The following CR1 variants were observed in gnomAD, a reference collection of about 807,000 sequenced individuals.
CR1 encodes the protein complement C3b/C4b receptor 1 (Knops blood group).
A neutral mutation model predicts 187.3 loss-of-function variants in CR1; 116 were observed. The ratio of observed to expected loss-of-function variants is 0.62; its 90% CI spans 0.53 to 0.72. The LOEUF (loss-of-function observed/expected upper bound fraction) is 0.72, where lower values mean the gene tolerates loss of function less well. CR1 is among the 30% of genes least tolerant of loss of function. The pLI is 0.00. For synonymous variants in CR1, 576 were observed against 747.1 expected (o/e 0.77, Z 3.73); for missense variants, 1,731 against 2,110.7 (o/e 0.82, Z 3.52).
rs1662028992 is a variant in CR1 at position 207,614,324 on chromosome 1, A to G, written c.6576-80A>G. ...GTCGAGGAGGAAATGGTAGTGAGGA[A>G]GCTGAGCATCTATTAGCGAAGAAAT... On this transcript the variant is annotated intron_variant, in intron 39 of 46. Transcript: ENST00000367049. The G allele has an allele frequency of 4.6e-6, 5 of 1,084,110 alleles. No individual in the cohort carries two copies. The Admixed American group carries it at 9.2e-5, about 20-fold the overall frequency. 67.2% of individuals were successfully genotyped at this position (1,084,110 alleles called of 1,614,324 possible).
chr1:207,604,269 T>C (rs1661686011), intron 35 of CR1, among the ~76,000 whole-genome samples: 1 of 152,214 alleles, frequency 6.6e-6, no homozygotes, highest in Non-Finnish European at 1.5e-5. Flanking sequence ...AATTGATGTA[T>C]AAGAGTTGTT....
chr1:207,513,874 G>T (rs912884285), intron 4 of CR1, among the ~76,000 whole-genome samples: 10 of 151,280 alleles, frequency 6.6e-5, no homozygotes, highest in African/African-American at 2.4e-4. Flanking sequence ...ATTGAACATT[G>T]GTAGCAATAG....
At chr1:207,520,019 C>A (rs543092719) in intron 4 of CR1, among the ~76,000 whole-genome samples, 19 of 152,256 alleles carry the variant, frequency 1.2e-4, no homozygotes, top group African/African-American at 4.6e-4. Context: ...CTTGATTTAA[C>A]GATTTACATA....
At chr1:207,580,486 CTTTT>C in intron 30 of CR1, 21 bp from the exon 31 acceptor site, 2 of 1,378,332 alleles carry the variant, frequency 1.5e-6, no homozygotes. Flanking sequence ...CCTATTTTTT[CTTTT>C]TTTTTTTTTT....
Position 207,578,218 on chromosome 1 carries a change from T to A in CR1, c.4936+15T>A, listed in dbSNP as rs373835373. The A allele has an allele frequency of 4.3e-6, 7 of 1,611,628 alleles. No individual in the cohort carries two copies. On this transcript the variant is annotated intron_variant, in intron 29 of 46. Transcript: ENST00000367049. Reference sequence around the variant, plus strand: ...CTGCTCCAGGGGTGAGTCTGACTGATGCCTAGAAGGGCCCTGCCAGTGACA... The same window carrying A: ...CTGCTCCAGGGGTGAGTCTGACTGAAGCCTAGAAGGGCCCTGCCAGTGACA...
At position 207,623,107 on chromosome 1, in the gene CR1, A is replaced by G. The variant is rs757983756; in HGVS notation, c.7352+39A>G. On this transcript the variant is annotated intron_variant, in intron 45 of 46. Transcript: ENST00000367049. ...TATTATCCCAAGAAATGTAAACTGTACTTACCCCCTCTTGGAAGTCAAAAG... is the reference window on the plus strand; with the variant it reads ...TATTATCCCAAGAAATGTAAACTGTGCTTACCCCCTCTTGGAAGTCAAAAG... 5 of 1,376,780 alleles carry G rather than the reference A, an allele frequency of 3.6e-6. No homozygotes were observed. The South Asian group carries it at 6.4e-5, about 18-fold the overall frequency. 85.3% of individuals were successfully genotyped at this position (1,376,780 alleles called of 1,614,324 possible). A position where few individuals can be genotyped will look rare whatever the true frequency, so the allele number is the denominator to read the frequency against.
chr1:207,508,570 T>A (rs1286034812), intron 3 of CR1, among the ~76,000 whole-genome samples: 2 of 152,194 alleles, frequency 1.3e-5, no homozygotes, highest in Non-Finnish European at 2.9e-5. Context: ...TTGAACAAAA[T>A]CTGTGGATTA....
rs996422974 is a variant in CR1, at chr1:207,622,073, A to C, written c.7276+77A>C. 2.5e-6 allele frequency: 3 copies of C among 1,179,204 alleles called. No individual in the cohort carries two copies. The African/African-American group carries it at 4.6e-5, about 18-fold the overall frequency. The allele number at this position is 1,179,204 out of a possible 1,614,324, so 73.0% of individuals were successfully genotyped here. On this transcript the variant is annotated intron_variant, in intron 44 of 46. Transcript: ENST00000367049. The stretch of plus-strand genomic sequence containing the variant: ...TACCTACCTATAATGAATGAAATGT[A>C]AAAAGAGAGATCAAAATGTCTTGAG...
Position 207,523,789 on chromosome 1 carries a change from G to A in CR1, c.666G>A (p.Val222=). Residue 222 remains valine, a synonymous_variant, in exon 5 of 47, where the codon GTG becomes GTA. Coordinates refer to ENST00000367049, the MANE Select transcript of CR1 (RefSeq NM_000651.6). ...SIYCTSNDDQ[V]GIWSGPAPQC... ...ACTGCACCAGCAATGACGATCAAGT[G>A]GGCATCTGGAGCGGCCCCGCCCCTC... 6.2e-7 allele frequency: 1 copy of A among 1,611,892 alleles called. No homozygotes were observed. The highest frequency in any genetic ancestry group is 1.1e-5 in the South Asian group (1 of 90,984).
chr1:207,625,365 C>G (rs1202696947), intron 45 of CR1, among the ~76,000 whole-genome samples: 1 of 152,172 alleles, frequency 6.6e-6, no homozygotes, highest in Non-Finnish European at 1.5e-5. Context: ...ACTTAAAGGT[C>G]AGGGATGTAA....
chr1:207,629,099 C>T (rs1662570961), intron 45 of CR1, among the ~76,000 whole-genome samples: 1 of 152,138 alleles, frequency 6.6e-6, no homozygotes, highest in African/African-American at 2.4e-5. Flanking sequence ...ATAGGTCATG[C>T]ACTCATCAGT....
In CR1 at chr1:207,639,483, T is replaced by A; in HGVS notation, c.*74T>A. On this transcript the variant is annotated 3_prime_UTR_variant, in exon 47 of 47. Coordinates refer to ENST00000367049, the MANE Select transcript of CR1 (RefSeq NM_000651.6). ...AAGGAGCCAATTGATTTCAACAGAATCAGATCTGAGCTTCATAAAGTCTTT... is the reference window on the plus strand; with the variant it reads ...AAGGAGCCAATTGATTTCAACAGAAACAGATCTGAGCTTCATAAAGTCTTT... 2 of 1,419,370 alleles carry A rather than the reference T, an allele frequency of 1.4e-6. No homozygotes were observed. The highest frequency in any genetic ancestry group is 1.9e-5 in the Admixed American group (1 of 51,702). 87.9% of individuals were successfully genotyped at this position (1,419,370 alleles called of 1,614,324 possible).
At chr1:207,509,627 T>C (rs1435854817) in intron 3 of CR1, among the ~76,000 whole-genome samples, 5 of 152,092 alleles carry the variant, frequency 3.3e-5, no homozygotes, top group African/African-American at 7.2e-5. Context: ...TGAACAATAG[T>C]ATGGAGGAAA....
rs1313450981 is a variant in CR1, at chr1:207,640,095, G to GA, written c.*689dup. The GA allele has an allele frequency of 4.6e-5, 7 of 152,188 alleles. No homozygotes were observed. Among genetic ancestry groups the GA allele is most frequent in the Non-Finnish European group, 1.0e-4 (7 of 68,032 alleles). The allele number at this position is 152,188 out of a possible 1,614,324, so 9.4% of individuals were successfully genotyped here. ...GAAGAGTGGTTAAGACTACTGAAGA[G>GA]AAATATTTGGAAAATAAGATTTCGA... is the stretch of plus-strand genomic sequence containing the variant. On this transcript the variant is annotated 3_prime_UTR_variant, in exon 47 of 47. Coordinates refer to ENST00000367049, the MANE Select transcript of CR1 (RefSeq NM_000651.6).
At chr1:207,519,308 T>C (rs1184858579) in intron 4 of CR1, among the ~76,000 whole-genome samples, 5 of 151,838 alleles carry the variant, frequency 3.3e-5, no homozygotes, top group Admixed American at 6.6e-5. Context: ...ATAATAAAAA[T>C]TAAAAATAAA....
chr1:207,523,593 T>A lies in CR1; in HGVS notation c.488-18T>A. ...TATTTAAACTGACTGTTATTTATCC[T>A]GCTCTTCCTTTTTCCAGGAATTCCT... is the stretch of plus-strand genomic sequence containing the variant. On this transcript the variant is annotated intron_variant, in intron 4 of 46. Coordinates refer to ENST00000367049, the MANE Select transcript of CR1 (RefSeq NM_000651.6). The A allele has an allele frequency of 2.5e-6, 4 of 1,613,806 alleles. No homozygotes were observed. Among genetic ancestry groups the A allele is most frequent in the Non-Finnish European group, 3.4e-6 (4 of 1,179,848 alleles).
intron 43 of CR1, 50 bp downstream of exon 43, chr1:207,620,115 T>A (rs768037541): frequency 3.2e-6 from 5 of 1,545,300 alleles, no homozygotes; most frequent in Non-Finnish European, 4.4e-6. Flanking sequence ...TGGTTATTGC[T>A]CATTCATTCA....
intron 4 of CR1, among the ~76,000 whole-genome samples, chr1:207,512,179 T>C (rs1284269338): frequency 1.3e-5 from 2 of 152,252 alleles, no homozygotes; most frequent in Non-Finnish European, 2.9e-5. Flanking sequence ...AACTTTTCAT[T>C]GCAGCATTAT....
chr1:207,602,992 T>C (rs1661648114), intron 35 of CR1, among the ~76,000 whole-genome samples: 1 of 152,128 alleles, frequency 6.6e-6, no homozygotes, highest in African/African-American at 2.4e-5. Context: ...AGAAAAATAC[T>C]TCAAGAAATG....
Sources: allele counts gnomAD v4.1 joint callset (sites outside exome capture counted in the v4.1 genomes callset), GRCh38; gene constraint gnomAD v4.1.1; transcripts MANE v1.5; gene names NCBI Gene and HGNC (gene_info 2026-07-23, HGNC 2026-07-21).